Variants in ZFYVE28 observed in about 807,000 individuals in gnomAD.
The protein encoded by ZFYVE28 is lateral signaling target protein 2 homolog.
A neutral mutation model predicts 82.1 loss-of-function variants in ZFYVE28; 40 were observed. The ratio of observed to expected loss-of-function variants is 0.49; its 90% confidence interval spans 0.38 to 0.63. The LOEUF is 0.63. ZFYVE28 is among the 30% of genes least tolerant of loss of function. The pLI, the probability that ZFYVE28 is intolerant of heterozygous loss-of-function variation, is 0.00. For missense variants in ZFYVE28, 1,321 were observed against 1,242.1 expected (o/e 1.06, Z -0.96); for synonymous variants, 612 against 546.1 (o/e 1.12, Z -1.68).
intron 6 of ZFYVE28, chr4:2,328,891 T>A: frequency 2.5e-6 from 1 of 404,762 alleles, no homozygotes; most frequent in Non-Finnish European, 4.4e-6. Flanking sequence ...TGTTCTTTCC[T>A]TATTGAATGA....
chr4:2,279,583 T>C (rs574773490), intron 8 of ZFYVE28, among the ~76,000 whole-genome samples: 35 of 151,956 alleles, frequency 2.3e-4, no homozygotes, highest in South Asian at 8.3e-4. Context: ...ATCGAGACCA[T>C]CCTGGCTAAC....
At position 2,417,523 on chromosome 4, in the gene ZFYVE28, G is replaced by A. The variant is rs1263236999; in HGVS notation, c.39+762C>T. 6.6e-6 allele frequency among the ~76,000 whole-genome samples: 1 copy of A among 151,724 alleles called. No homozygotes were observed. The highest frequency in any genetic ancestry group is 2.4e-5 in the African/African-American group (1 of 41,382). On this transcript the variant is annotated intron_variant, in intron 1 of 12. Coordinates refer to ENST00000290974, the MANE Select transcript of ZFYVE28 (RefSeq NM_020972.3). The surrounding 1 kb of genome is among the most constrained non-coding windows in gnomAD (Gnocchi z 4.8). ...GCTGGAGAGCCGCACCTCCCGCCCC[G>A]CCGAGGCTGCTGGCCACGGGCGCGC...
chr4:2,303,885 G>A (rs1234107098), intron 8 of ZFYVE28, among the ~76,000 whole-genome samples: 3 of 152,364 alleles, frequency 2.0e-5, no homozygotes, highest in Non-Finnish European at 2.9e-5. Flanking sequence ...GCTCGGATGC[G>A]GCTCAGGGCA....
At chr4:2,415,443 C>T (rs1180843187) in intron 1 of ZFYVE28, among the ~76,000 whole-genome samples, 1 of 140,864 alleles carries the variant, frequency 7.1e-6, no homozygotes, top group African/African-American at 2.6e-5. Flanking sequence ...ATAGTGAGAC[C>T]CTGTCTCTAC....
chr4:2,417,845 G>GGGGGCA lies in ZFYVE28; in HGVS notation c.39+434_39+439dup, dbSNP rs138289041. ...ATTCCGGGCCCAGGACAATGGGGGT[G>GGGGGCA]GGGGCAGGACGGGAATGAGGGGGCA... On this transcript the variant is annotated intron_variant, in intron 1 of 12. Coordinates refer to ENST00000290974, the MANE Select transcript of ZFYVE28 (RefSeq NM_020972.3). This position sits in a 1 kb window ranked among gnomAD's most constrained non-coding sequence, Gnocchi z 4.8. 0.027 allele frequency among the ~76,000 whole-genome samples: 4,156 copies of GGGGGCA among 151,652 alleles called. 212 individuals carry two copies. The highest frequency in any genetic ancestry group is 0.096 in the African/African-American group (3,923 of 41,058).
Position 2,408,393 on chromosome 4 carries a change from G to A in ZFYVE28, c.39+9892C>T, listed in dbSNP as rs1156738008. Among the ~76,000 whole-genome samples, 1 of 151,992 alleles carries A rather than the reference G, an allele frequency of 6.6e-6. No individual in the cohort carries two copies. Among genetic ancestry groups the A allele is most frequent in the Non-Finnish European group, 1.5e-5 (1 of 68,008 alleles). ...GGGCTGGCCCTATGGACACTGTGGA[G>A]GTGATGCCATGTGACTTCCAGGCTG... On this transcript the variant is annotated intron_variant, in intron 1 of 12. Transcript: ENST00000290974. This position sits in a 1 kb window ranked among gnomAD's most constrained non-coding sequence, Gnocchi z 4.3.
chr4:2,326,712 T>C (rs1719893804), intron 6 of ZFYVE28, among the ~76,000 whole-genome samples: 1 of 152,234 alleles, frequency 6.6e-6, no homozygotes, highest in Non-Finnish European at 1.5e-5. Context: ...ATTTCATTGA[T>C]GTTTTATAGT....
At chr4:2,330,801 G>A (rs913129416) in intron 6 of ZFYVE28, 19 of 1,531,456 alleles carry the variant, frequency 1.2e-5, no homozygotes, top group African/African-American at 1.2e-4. Flanking sequence ...GACCCTGAGC[G>A]AAGGGGACAG....
chr4:2,273,960 A>C, intron 9 of ZFYVE28, 102 bp downstream of exon 9: 1 of 1,377,574 alleles, frequency 7.3e-7, no homozygotes, highest in Non-Finnish European at 1.0e-6. Context: ...TGCTGTTTAC[A>C]GGAAAGTGAG....
At chr4:2,327,281 T>G (rs1311925608) in intron 6 of ZFYVE28, among the ~76,000 whole-genome samples, 8 of 35,440 alleles carry the variant, frequency 2.3e-4, no homozygotes, top group Non-Finnish European at 4.4e-4. Context: ...TATATATATA[T>G]ATATATATAT....
chr4:2,340,279 A>G (rs1245057072), intron 3 of ZFYVE28, among the ~76,000 whole-genome samples: 1 of 152,092 alleles, frequency 6.6e-6, no homozygotes, highest in East Asian at 1.9e-4. Context: ...CTCCGCACCC[A>G]CAAATCCACC....
At chr4:2,302,286 GT>G (rs779142302) in intron 8 of ZFYVE28, among the ~76,000 whole-genome samples, 11 of 152,220 alleles carry the variant, frequency 7.2e-5, no homozygotes, top group Non-Finnish European at 1.6e-4. Context: ...ACTTCTCTGG[GT>G]CTATCTTATT....
At position 2,362,388 on chromosome 4, in the gene ZFYVE28, G is replaced by A. The variant is rs1231954661; in HGVS notation, c.40-8315C>T. Among the ~76,000 whole-genome samples, 1 of 152,088 alleles carries A rather than the reference G, an allele frequency of 6.6e-6. No individual in the cohort carries two copies. Among genetic ancestry groups the A allele is most frequent in the Non-Finnish European group, 1.5e-5 (1 of 68,014 alleles). On this transcript the variant is annotated intron_variant, in intron 1 of 12. Coordinates refer to ENST00000290974, the MANE Select transcript of ZFYVE28 (RefSeq NM_020972.3). The surrounding 1 kb of genome is among the most constrained non-coding windows in gnomAD (Gnocchi z 5.1). ...CACACAAATGCGGCCCCACAGCTGT[G>A]ACCCCCACAGCAGCTGTTCCTCAGC... is the stretch of plus-strand genomic sequence containing the variant.
At chr4:2,412,105 T>C (rs6812334) in intron 1 of ZFYVE28, among the ~76,000 whole-genome samples, 112,944 of 152,104 alleles carry the variant, frequency 0.74, 42,940 homozygotes, top group East Asian at 0.99. Flanking sequence ...TGTAACCAGA[T>C]CCACGGGGAT....
chr4:2,325,302 G>C (rs1357074373), intron 6 of ZFYVE28, among the ~76,000 whole-genome samples: 1 of 152,168 alleles, frequency 6.6e-6, no homozygotes, highest in Non-Finnish European at 1.5e-5. Context: ...TGAATGTACA[G>C]ACTAAATGGC....
At chr4:2,299,932 G>A (rs149828466) in intron 8 of ZFYVE28, among the ~76,000 whole-genome samples, 103 of 152,140 alleles carry the variant, frequency 6.8e-4, no homozygotes, top group Middle Eastern at 3.4e-3. Flanking sequence ...AAGTAGCTGG[G>A]ACTACAGGCC....
At chr4:2,377,184 G>C (rs1265657793) in intron 1 of ZFYVE28, among the ~76,000 whole-genome samples, 1 of 150,464 alleles carries the variant, frequency 6.6e-6, no homozygotes, top group African/African-American at 2.5e-5. Flanking sequence ...ACCACGCCCA[G>C]CTAATTTTTT....
At chr4:2,375,751 CA>C (rs1434197256) in intron 1 of ZFYVE28, among the ~76,000 whole-genome samples, 3 of 152,256 alleles carry the variant, frequency 2.0e-5, no homozygotes. Flanking sequence ...TGACAGCCTC[CA>C]CCCCTCCCTT....
chr4:2,350,755 A>G (rs769451627), intron 2 of ZFYVE28, among the ~76,000 whole-genome samples: 12 of 152,330 alleles, frequency 7.9e-5, no homozygotes, highest in South Asian at 4.1e-4. Flanking sequence ...ATAATCAATC[A>G]TGGCTCTATA....
Sources: gnomAD v4.1 joint callset for allele counts (sites outside exome capture counted in the v4.1 genomes callset) on GRCh38, gnomAD v4.1.1 for gene constraint, Gnocchi (gnomAD v3.1) non-coding constraint, MANE v1.5 for transcripts, NCBI Gene and HGNC (gene_info 2026-07-23, HGNC 2026-07-21) for gene names.